The following ZNF778 variants were observed in gnomAD, a reference collection of about 807,000 sequenced individuals.
ZNF778 encodes zinc finger protein 778.
Under a neutral mutation model 23.9 loss-of-function variants are expected in ZNF778, and 37 were observed. That is an observed-to-expected ratio of 1.54 (90% CI 1.19 to 2.03). The LOEUF is 2.03. Among genes scored for constraint, ZNF778 ranks in the 30% most tolerant of loss-of-function variants. ZNF778 has a pLI of 0.00. For missense variants in ZNF778, 1,297 were observed against 934.4 expected (o/e 1.39, Z -5.06); for synonymous variants, 483 against 343.9 (o/e 1.40, Z -4.48).
Position 89,232,500 on chromosome 16 carries a change from T to C in ZNF778, c.*3938T>C. ...TGCAAGTACTGGTTAGGCAGATACC[T>C]GTATTTCTCTTCCTAACTCTCAGAA... On this transcript the variant is annotated 3_prime_UTR_variant, in exon 7 of 7. Transcript: ENST00000433976. 1.8e-6 allele frequency: 1 copy of C among 566,156 alleles called. No homozygotes were observed. Among genetic ancestry groups the C allele is most frequent in the Non-Finnish European group, 2.7e-6 (1 of 376,844 alleles). The allele number at this position is 566,156 out of a possible 1,614,324, so 35.1% of individuals were successfully genotyped here.
Position 89,229,458 on chromosome 16 carries a change from A to C in ZNF778, c.*896A>C. 3.1e-6 allele frequency: 3 copies of C among 974,932 alleles called. 1 individual carries two copies. The highest frequency in any genetic ancestry group is 3.6e-6 in the Non-Finnish European group (3 of 826,682). The allele number at this position is 974,932 out of a possible 1,614,324, so 60.4% of individuals were successfully genotyped here. ...GGTTAGTCTTGAGGATGCAGATGTG[A>C]TTCTGTGTGAGCAGCGTAGGCTCTG... On this transcript the variant is annotated 3_prime_UTR_variant, in exon 7 of 7. Coordinates refer to ENST00000433976, the MANE Select transcript of ZNF778 (RefSeq NM_001201407.2).
In ZNF778 at chr16:89,227,703, CT is replaced by C. The variant is rs781316580; in HGVS notation, c.1416del (p.Gly473GlufsTer20). The C allele has an allele frequency of 6.2e-7, 1 of 1,614,072 alleles. No individual in the cohort carries two copies. The highest frequency in any genetic ancestry group is 8.5e-7 in the Non-Finnish European group (1 of 1,180,034). The part of the protein sequence containing the change: ...SGLTEHVRTH[T>X]GEKPYECKDC... ...CTTACTGAGCATGTAAGGACTCACA[CT>C]GGAGAGAAACCATATGAATGTAAAG... is the stretch of plus-strand genomic sequence containing the variant. On this transcript the variant is annotated frameshift_variant, in exon 7 of 7. Transcript: ENST00000433976. LOFTEE classifies it low-confidence loss of function (END_TRUNC).
Position 89,235,983 on chromosome 16 carries a change from C to G in ZNF778, c.*7421C>G, listed in dbSNP as rs1170415638. ...ACCATCCTGGCCAACACAGTGAAACCTCGTCTCTAGTAAAAAAAAAAAAAA... is the reference window on the plus strand; with the variant it reads ...ACCATCCTGGCCAACACAGTGAAACGTCGTCTCTAGTAAAAAAAAAAAAAA... On this transcript the variant is annotated 3_prime_UTR_variant, in exon 7 of 7. Coordinates refer to ENST00000433976, the MANE Select transcript of ZNF778 (RefSeq NM_001201407.2). 8.0e-6 allele frequency: 1 copy of G among 124,560 alleles called. No homozygotes were observed. 7.7% of individuals were successfully genotyped at this position (124,560 alleles called of 1,614,324 possible).
Position 89,236,819 on chromosome 16 carries a change from C to G in ZNF778, c.*8257C>G, listed in dbSNP as rs2151644157. On this transcript the variant is annotated 3_prime_UTR_variant, in exon 7 of 7. Coordinates refer to ENST00000433976, the MANE Select transcript of ZNF778 (RefSeq NM_001201407.2). ...GGGTGTGGTGGCTCACGCCTGTAATCCCACCACTTTGGGAGAGTGAGGTGG... is the reference window on the plus strand; with the variant it reads ...GGGTGTGGTGGCTCACGCCTGTAATGCCACCACTTTGGGAGAGTGAGGTGG... 6.6e-6 allele frequency: 1 copy of G among 152,354 alleles called. No homozygotes were observed. Among genetic ancestry groups the G allele is most frequent in the African/African-American group, 2.4e-5 (1 of 41,558 alleles). 9.4% of individuals were successfully genotyped at this position (152,354 alleles called of 1,614,324 possible). A position where few individuals can be genotyped will look rare whatever the true frequency, so the allele number is the denominator to read the frequency against.
rs1210005687 is a variant in ZNF778, at chr16:89,232,917, C to T, written c.*4355C>T. 1.6e-6 allele frequency: 2 copies of T among 1,275,838 alleles called. No homozygotes were observed. The highest frequency in any genetic ancestry group is 2.0e-6 in the Non-Finnish European group (2 of 985,050). 79.0% of individuals were successfully genotyped at this position (1,275,838 alleles called of 1,614,324 possible). A position where few individuals can be genotyped will look rare whatever the true frequency, so the allele number is the denominator to read the frequency against. The stretch of plus-strand genomic sequence containing the variant: ...CACTGCGTATGCAACTCAACTCGCA[C>T]TGCGTATGCGAATCCACTCACTGCC... On this transcript the variant is annotated 3_prime_UTR_variant, in exon 7 of 7. Transcript: ENST00000433976.
rs779731237 is a variant in ZNF778, at chr16:89,227,039, G to A, written c.751G>A (p.Glu251Lys). ...QARAGSHNGE[E>K]TWKWKPCGKA... ...ACGTGCGGGAAGTCACAACGGAGAA[G>A]AAACATGGAAATGGAAGCCGTGTGG... The change falls in exon 7 of 7, where the codon GAA becomes AAA. Residue 251 changes from glutamate (E) to lysine (K), a missense_variant. Glu to Lys is a moderately conservative substitution (Grantham distance 56). Transcript: ENST00000433976. 6.2e-7 allele frequency: 1 copy of A among 1,613,970 alleles called. No individual in the cohort carries two copies.
Position 89,227,546 on chromosome 16 carries a change from C to T in ZNF778, c.1258C>T (p.Pro420Ser), listed in dbSNP as rs1014213134. The change falls in exon 7 of 7, where the codon CCC (proline) becomes TCC (serine). Residue 420 changes from proline (P) to serine (S), a missense_variant. Pro to Ser is a moderately conservative substitution (Grantham distance 74, BLOSUM62 -1). Transcript: ENST00000433976. ...TGTTCGAATTCACACTGGAATAAAACCCTATACATGCAGCTACTGTGGGAA... is the reference window on the plus strand; with the variant it reads ...TGTTCGAATTCACACTGGAATAAAATCCTATACATGCAGCTACTGTGGGAA... ...NHVRIHTGIKPYTCSYCGKAF... is the reference protein window; with the variant it reads ...NHVRIHTGIKSYTCSYCGKAF... 1 of 1,614,172 alleles carries T rather than the reference C, an allele frequency of 6.2e-7. No homozygotes were observed. The highest frequency in any genetic ancestry group is 1.1e-5 in the South Asian group (1 of 91,084).
chr16:89,222,555 G>T lies in ZNF778; in HGVS notation c.117+372G>T, dbSNP rs528983253. On this transcript the variant is annotated intron_variant, in intron 3 of 6. Transcript: ENST00000433976. ...ATTTTTGTATTTTTAGTAGAGACGG[G>T]GTTTTGCCATGTTGGCCAGGCTGGT... 3.3e-5 allele frequency among the ~76,000 whole-genome samples: 5 copies of T among 152,274 alleles called. No homozygotes were observed. In the South Asian group the frequency reaches 8.3e-4, roughly 25 times the overall value.
In ZNF778 at chr16:89,236,278, G is replaced by C. The variant is rs1160097375; in HGVS notation, c.*7716G>C. 1 of 152,218 alleles carries C rather than the reference G, an allele frequency of 6.6e-6. No individual in the cohort carries two copies. Among genetic ancestry groups the C allele is most frequent in the African/African-American group, 2.4e-5 (1 of 41,456 alleles). The allele number at this position is 152,218 out of a possible 1,614,324, so 9.4% of individuals were successfully genotyped here. A position where few individuals can be genotyped will look rare whatever the true frequency, so the allele number is the denominator to read the frequency against. On this transcript the variant is annotated 3_prime_UTR_variant, in exon 7 of 7. Coordinates refer to ENST00000433976, the MANE Select transcript of ZNF778 (RefSeq NM_001201407.2). ...AGGAGGCTGAGAAAGTGGACACAGT[G>C]CTTCCAGAAGAACAATTCAATTGAC...
At chr16:89,220,974 T>G in intron 1 of ZNF778, 23 bp from the exon 2 acceptor site, 1 of 759,602 alleles carries the variant, frequency 1.3e-6, no homozygotes, top group South Asian at 1.7e-5. Context: ...TGGGAAGTAA[T>G]GCTTCTTCAT....
chr16:89,228,672 A>G lies in ZNF778; in HGVS notation c.*110A>G, dbSNP rs1243867082. The G allele has an allele frequency of 2.7e-6, 4 of 1,497,508 alleles. No individual in the cohort carries two copies. The African/African-American group carries it at 4.2e-5, about 16-fold the overall frequency. 92.8% of individuals were successfully genotyped at this position (1,497,508 alleles called of 1,614,324 possible). On this transcript the variant is annotated 3_prime_UTR_variant, in exon 7 of 7. Transcript: ENST00000433976. ...TGAGGAATGTGGCTAGGCAATCAGCATCTCATCACAACCCGGCAGGCAGGA... is the reference window on the plus strand; with the variant it reads ...TGAGGAATGTGGCTAGGCAATCAGCGTCTCATCACAACCCGGCAGGCAGGA...
chr16:89,225,263 G>A (rs1363344564), intron 5 of ZNF778, among the ~76,000 whole-genome samples: 6 of 151,638 alleles, frequency 4.0e-5, no homozygotes, highest in East Asian at 3.9e-4. Flanking sequence ...TTACAGGTGC[G>A]TGCTGCCACG....
In ZNF778 at chr16:89,233,869, C is replaced by G; in HGVS notation, c.*5307C>G. The G allele has an allele frequency of 1.6e-6, 2 of 1,289,896 alleles. No homozygotes were observed. Among genetic ancestry groups the G allele is most frequent in the Non-Finnish European group, 2.0e-6 (2 of 989,170 alleles). 79.9% of individuals were successfully genotyped at this position (1,289,896 alleles called of 1,614,324 possible). On this transcript the variant is annotated 3_prime_UTR_variant, in exon 7 of 7. Coordinates refer to ENST00000433976, the MANE Select transcript of ZNF778 (RefSeq NM_001201407.2). The stretch of plus-strand genomic sequence containing the variant: ...CCACTTCCTTTTTCTAACTACCACA[C>G]CAAGCCAGTATTTCTCCTCCCTGAA...
chr16:89,221,070 C>G lies in ZNF778; in HGVS notation c.-58C>G, dbSNP rs1395535847. ...CTTCCACATAGATTCACAAGCTGCC[C>G]TGCAGTGGCCTTGGCTTCAGGAAAG... is the stretch of plus-strand genomic sequence containing the variant. On this transcript the variant is annotated 5_prime_UTR_variant, in exon 2 of 7. Coordinates refer to ENST00000433976, the MANE Select transcript of ZNF778 (RefSeq NM_001201407.2). 6.4e-7 allele frequency: 1 copy of G among 1,551,208 alleles called. No individual in the cohort carries two copies. The highest frequency in any genetic ancestry group is 1.4e-5 in the African/African-American group (1 of 73,128).
At chr16:89,220,528 C>T (rs547185429) in intron 1 of ZNF778, among the ~76,000 whole-genome samples, 2 of 152,240 alleles carry the variant, frequency 1.3e-5, no homozygotes, top group Admixed American at 6.5e-5. Flanking sequence ...TGTGGTGGCA[C>T]TCGCCTGTAG....
At position 89,233,561 on chromosome 16, in the gene ZNF778, C is replaced by T. The variant is rs74035762; in HGVS notation, c.*4999C>T. 24,910 of 1,264,784 alleles carry T rather than the reference C, an allele frequency of 0.02. 1,891 individuals carry two copies. Among genetic ancestry groups the T allele is most frequent in the African/African-American group, 0.19 (11,479 of 59,496 alleles). The allele number at this position is 1,264,784 out of a possible 1,614,324, so 78.3% of individuals were successfully genotyped here. On this transcript the variant is annotated 3_prime_UTR_variant, in exon 7 of 7. Transcript: ENST00000433976. ...TATGCAAATCAACTCACTGCATATG[C>T]AACTCAGCTCGCACTGCATATGCAA...
chr16:89,230,136 C>A lies in ZNF778; in HGVS notation c.*1574C>A. On this transcript the variant is annotated 3_prime_UTR_variant, in exon 7 of 7. Coordinates refer to ENST00000433976, the MANE Select transcript of ZNF778 (RefSeq NM_001201407.2). ...CACACTGGCCAATGTTGGGGCATAA[C>A]ACAGCTCTACATTTTATGAAAATGC... The A allele has an allele frequency of 1.5e-6, 1 of 669,630 alleles. No homozygotes were observed. The highest frequency in any genetic ancestry group is 1.8e-6 in the Non-Finnish European group (1 of 542,836). The allele number at this position is 669,630 out of a possible 1,614,324, so 41.5% of individuals were successfully genotyped here. A position where few individuals can be genotyped will look rare whatever the true frequency, so the allele number is the denominator to read the frequency against.
rs2031745088 is a variant in ZNF778, at chr16:89,228,931, C to T, written c.*369C>T. 1 of 1,005,172 alleles carries T rather than the reference C, an allele frequency of 9.9e-7. No homozygotes were observed. The highest frequency in any genetic ancestry group is 1.0e-4 in the East Asian group (1 of 9,920). The allele number at this position is 1,005,172 out of a possible 1,614,324, so 62.3% of individuals were successfully genotyped here. On this transcript the variant is annotated 3_prime_UTR_variant, in exon 7 of 7. Transcript: ENST00000433976. ...ATTTTTTACATTACATCTTTCCTCA[C>T]CCTTTAGTAAACGTGGTGATTGACA... is the stretch of plus-strand genomic sequence containing the variant.
chr16:89,224,766 G>T lies in ZNF778; in HGVS notation c.292G>T (p.Glu98Ter), dbSNP rs1412487627. 6.5e-7 allele frequency: 1 copy of T among 1,531,406 alleles called. No homozygotes were observed. Among genetic ancestry groups the T allele is most frequent in the East Asian group, 2.5e-5 (1 of 40,574 alleles). The allele number at this position is 1,531,406 out of a possible 1,614,324, so 94.9% of individuals were successfully genotyped here. Reference sequence around the variant, plus strand: ...TGTGATCTATTGGCTGGAGCAGGAAGAGGAGTTGAGGGCAGGGCGGAGAGC... The same window carrying T: ...TGTGATCTATTGGCTGGAGCAGGAATAGGAGTTGAGGGCAGGGCGGAGAGC... Reference protein sequence around the residue: ...PSVIYWLEQEEELRAGRRAVL... With the variant: ...PSVIYWLEQE Residue 98 changes from glutamate (E) to a stop codon, truncating the protein, a stop_gained, in exon 5 of 7, where the codon GAG (glutamate) becomes TAG (stop). Transcript: ENST00000433976. LOFTEE classifies it high-confidence loss of function.
Sources: gnomAD v4.1 joint callset for allele counts (sites outside exome capture counted in the v4.1 genomes callset) on GRCh38, gnomAD v4.1.1 for gene constraint, MANE v1.5 for transcripts, NCBI Gene and HGNC (gene_info 2026-07-23, HGNC 2026-07-21) for gene names.